Variants in THSD7A observed in about 807,000 individuals in gnomAD.
THSD7A encodes the protein thrombospondin type-1 domain-containing protein 7A.
Under a neutral mutation model 231.3 loss-of-function variants are expected in THSD7A, and 96 were observed. The observed-to-expected ratio is 0.41, with a 90% CI of 0.35 to 0.49. The LOEUF (loss-of-function observed/expected upper bound fraction) is 0.49, where lower values mean the gene tolerates loss of function less well. THSD7A is among the 20% of genes least tolerant of loss of function. THSD7A has a pLI of 0.05. For synonymous variants in THSD7A, 940 were observed against 743.3 expected, an observed-to-expected ratio of 1.26 and a Z score of -4.30; for missense variants, 2,290 against 2,070.2, an observed-to-expected ratio of 1.11 and a Z score of -2.06.
intron 1 of THSD7A, among the ~76,000 whole-genome samples, chr7:11,781,391 G>A (rs1301327435): frequency 6.6e-6 from 1 of 151,998 alleles, no homozygotes; most frequent in African/African-American, 2.4e-5. Context: ...GGAGTTTCAG[G>A]CTGCAAATAG....
intron 1 of THSD7A, among the ~76,000 whole-genome samples, chr7:11,714,302 T>C (rs891562447): frequency 3.3e-5 from 5 of 151,286 alleles, no homozygotes; most frequent in Non-Finnish European, 5.9e-5. Context: ...ATTAACCCTA[T>C]GACATGTGTA....
intron 1 of THSD7A, among the ~76,000 whole-genome samples, chr7:11,654,406 G>C (rs1354874871): frequency 6.6e-6 from 1 of 151,928 alleles, no homozygotes; most frequent in Non-Finnish European, 1.5e-5. Context: ...AAGCAGTGTT[G>C]AAGATGCATA....
In THSD7A at chr7:11,545,330, G is replaced by C. The variant is rs142163733; in HGVS notation, c.1454-2213C>G. Among the ~76,000 whole-genome samples, 1,133 of 151,806 alleles carry C rather than the reference G, an allele frequency of 7.5e-3. 19 individuals are homozygous for C. Among genetic ancestry groups the C allele is most frequent in the African/African-American group, 0.026 (1,080 of 41,396 alleles). On this transcript the variant is annotated intron_variant, in intron 4 of 27. Coordinates refer to ENST00000423059, the MANE Select transcript of THSD7A (RefSeq NM_015204.3). The stretch of plus-strand genomic sequence containing the variant: ...AATTTATATAAAATAAAATTTACTG[G>C]GTATGAAATTGTGAGGAATCTTATT...
At chr7:11,418,242 G>A (rs545582980) in intron 16 of THSD7A, among the ~76,000 whole-genome samples, 11 of 152,210 alleles carry the variant, frequency 7.2e-5, no homozygotes, top group East Asian at 5.8e-4. Flanking sequence ...AATTGGTATC[G>A]CATAGGTTCT....
At chr7:11,739,515 G>T (rs114442590) in intron 1 of THSD7A, among the ~76,000 whole-genome samples, 2 of 151,926 alleles carry the variant, frequency 1.3e-5, no homozygotes, top group Admixed American at 1.3e-4. Flanking sequence ...ATAGCCAGAT[G>T]AGTACCATTC....
chr7:11,378,765 G>T, intron 26 of THSD7A: 2 of 313,020 alleles, frequency 6.4e-6, no homozygotes, highest in Non-Finnish European at 1.2e-5. Context: ...TAAAATTCAT[G>T]TTTCTAACTT....
At chr7:11,530,965 C>T (rs1218426070) in intron 6 of THSD7A, among the ~76,000 whole-genome samples, 4 of 152,086 alleles carry the variant, frequency 2.6e-5, no homozygotes, top group South Asian at 2.1e-4. Flanking sequence ...GAGCTGAGAT[C>T]GTGCCACTGC....
rs549569672 is a variant in THSD7A at position 11,722,517 on chromosome 7, C to A, written c.191-85556G>T. On this transcript the variant is annotated intron_variant, in intron 1 of 27. Transcript: ENST00000423059. ...TCATGACTCAACTGGTCCTGTGGCC[C>A]CCACCCAGAGGCTGACTTAGCACAT... Among the ~76,000 whole-genome samples, 4 of 151,862 alleles carry A rather than the reference C, an allele frequency of 2.6e-5. No individual in the cohort carries two copies. The South Asian group carries it at 8.3e-4, about 32-fold the overall frequency.
Position 11,656,348 on chromosome 7 carries a change from A to T in THSD7A, c.191-19387T>A, listed in dbSNP as rs546318633. On this transcript the variant is annotated intron_variant, in intron 1 of 27. Coordinates refer to ENST00000423059, the MANE Select transcript of THSD7A (RefSeq NM_015204.3). Reference sequence around the variant, plus strand: ...AATTATTTTTACAGGAATCAGTTCCAGTGCTAAAAATGTTGTGGGCATTCA... The same window carrying T: ...AATTATTTTTACAGGAATCAGTTCCTGTGCTAAAAATGTTGTGGGCATTCA... 1.4e-3 allele frequency among the ~76,000 whole-genome samples: 207 copies of T among 151,990 alleles called. 3 individuals carry two copies. The Middle Eastern group carries it at 0.017, about 12-fold the overall frequency.
At chr7:11,547,787 C>T (rs1348344490) in intron 4 of THSD7A, among the ~76,000 whole-genome samples, 1 of 152,138 alleles carries the variant, frequency 6.6e-6, no homozygotes, top group Non-Finnish European at 1.5e-5. Context: ...GAGATTTAGG[C>T]ACAAATAAAG....
intron 1 of THSD7A, among the ~76,000 whole-genome samples, chr7:11,770,127 AC>A (rs1443714030): frequency 2.6e-5 from 4 of 152,060 alleles, no homozygotes; most frequent in Non-Finnish European, 5.9e-5. Context: ...AAAATAACCA[AC>A]TTTTCATCAT....
chr7:11,562,897 T>C (rs1790134708), intron 4 of THSD7A, among the ~76,000 whole-genome samples: 2 of 152,200 alleles, frequency 1.3e-5, no homozygotes, highest in Non-Finnish European at 2.9e-5. Flanking sequence ...TTACTACAAG[T>C]GTGTGGTAGT....
intron 1 of THSD7A, among the ~76,000 whole-genome samples, chr7:11,797,434 T>TC (rs1784157934): frequency 1.4e-5 from 2 of 142,114 alleles, no homozygotes; most frequent in South Asian, 2.2e-4. Flanking sequence ...TTTTTTTTTT[T>TC]CAGACAGGGT....
chr7:11,465,811 C>T (rs980645195), intron 9 of THSD7A, among the ~76,000 whole-genome samples: 1 of 151,918 alleles, frequency 6.6e-6, no homozygotes, highest in Non-Finnish European at 1.5e-5. Context: ...ATTTGAGCAA[C>T]CAAATATATT....
chr7:11,418,966 C>T (rs930531457), intron 16 of THSD7A, among the ~76,000 whole-genome samples: 2 of 151,950 alleles, frequency 1.3e-5, no homozygotes, highest in Non-Finnish European at 2.9e-5. Flanking sequence ...GGAAAAATTT[C>T]TACCTTCAAT....
chr7:11,696,599 C>A lies in THSD7A; in HGVS notation c.191-59638G>T, dbSNP rs531273550. ...CTCTCCCTCGCCTATCCCCCTCCCCCCGACAGGCCCCGCCAAATCATGAGT... is the reference window on the plus strand; with the variant it reads ...CTCTCCCTCGCCTATCCCCCTCCCCACGACAGGCCCCGCCAAATCATGAGT... On this transcript the variant is annotated intron_variant, in intron 1 of 27. Transcript: ENST00000423059. Among the ~76,000 whole-genome samples, 15 of 151,310 alleles carry A rather than the reference C, an allele frequency of 9.9e-5. No homozygotes were observed. In the South Asian group the frequency reaches 2.9e-3, roughly 29 times the overall value.
intron 23 of THSD7A, among the ~76,000 whole-genome samples, chr7:11,390,554 C>T (rs575546413): frequency 6.6e-6 from 1 of 152,156 alleles, no homozygotes; most frequent in Non-Finnish European, 1.5e-5. Context: ...AGAACATGCT[C>T]TTTTAGCTCA....
chr7:11,698,445 A>G (rs2128143870), intron 1 of THSD7A, among the ~76,000 whole-genome samples: 1 of 151,448 alleles, frequency 6.6e-6, no homozygotes, highest in East Asian at 2.0e-4. Context: ...GAATGTCCCA[A>G]ATCTATGTAA....
intron 17 of THSD7A, among the ~76,000 whole-genome samples, chr7:11,415,583 T>C (rs2115393600): frequency 6.6e-6 from 1 of 152,258 alleles, no homozygotes; most frequent in South Asian, 2.1e-4. Context: ...TCTATTACCT[T>C]TTTCTCTTCG....
Sources: allele counts gnomAD v4.1 joint callset (sites outside exome capture counted in the v4.1 genomes callset), GRCh38; gene constraint gnomAD v4.1.1; transcripts MANE v1.5; gene names NCBI Gene and HGNC (gene_info 2026-07-23, HGNC 2026-07-21).